The following FRMPD4 variants were observed in gnomAD, a reference collection of about 807,000 sequenced individuals.
FRMPD4 encodes FERM and PDZ domain containing 4, also known as FERM and PDZ domain-containing protein 4.
A neutral mutation model predicts 94.1 loss-of-function variants in FRMPD4; 22 were observed. That is an observed-to-expected ratio of 0.23 (90% CI 0.17 to 0.33). The LOEUF (loss-of-function observed/expected upper bound fraction) is 0.33, where lower values mean the gene tolerates loss of function less well. FRMPD4 is among the 10% of genes least tolerant of loss of function. The probability of loss-of-function intolerance (pLI) is 1.00; values close to 1 mark genes in which losing one functional copy is unlikely to be tolerated. For missense variants in FRMPD4, 1,111 were observed against 1,339.9 expected (o/e 0.83, Z 2.67); for synonymous variants, 631 against 548.6 (o/e 1.15, Z -2.10).
At chrX:11,914,778 T>C (rs779982339) in intron 3 of FRMPD4, among the ~76,000 whole-genome samples, 1 of 112,322 alleles carries the variant, frequency 8.9e-6, no homozygotes, top group East Asian at 2.8e-4. Flanking sequence ...AAAAATTATT[T>C]CTGTGGATAT....
intron 2 of FRMPD4, among the ~76,000 whole-genome samples, chrX:12,505,627 T>C (rs1482959305): frequency 9.5e-6 from 1 of 105,157 alleles, no homozygotes; most frequent in Non-Finnish European, 1.9e-5. Context: ...CTTGGGAGGC[T>C]GAGGCAGGAG....
intron 3 of FRMPD4, among the ~76,000 whole-genome samples, chrX:11,929,027 CAT>C (rs758970537): frequency 8.9e-6 from 1 of 112,444 alleles, no homozygotes; most frequent in South Asian, 3.7e-4. Flanking sequence ...CTAAATACCA[CAT>C]GTTATAAGTA....
chrX:12,063,393 CA>C (rs920140787), intron 3 of FRMPD4, among the ~76,000 whole-genome samples: 1 of 111,118 alleles, frequency 9.0e-6, no homozygotes, highest in Non-Finnish European at 1.9e-5. Flanking sequence ...AACAAACAAA[CA>C]AAAAAATGTT....
chrX:12,537,890 A>G (rs987988311), intron 2 of FRMPD4, among the ~76,000 whole-genome samples: 1 of 111,585 alleles, frequency 9.0e-6, no homozygotes, highest in African/African-American at 3.3e-5. Flanking sequence ...TGGTTCCAAG[A>G]TGGCCGAATA....
chrX:11,909,688 A>ACTGC (rs746778307), intron 3 of FRMPD4, among the ~76,000 whole-genome samples: 1 of 110,334 alleles, frequency 9.1e-6, no homozygotes, highest in South Asian at 3.8e-4. Flanking sequence ...CCCTCTAATC[A>ACTGC]CTGCTTTATC....
At chrX:11,918,321 C>A (rs1328377505) in intron 3 of FRMPD4, among the ~76,000 whole-genome samples, 1 of 113,063 alleles carries the variant, frequency 8.8e-6, no homozygotes, top group Non-Finnish European at 1.9e-5. Context: ...GAAAGGGACA[C>A]AGGCCAGGCG....
intron 1 of FRMPD4, among the ~76,000 whole-genome samples, chrX:12,164,969 G>C (rs1427301332): frequency 1.9e-4 from 21 of 110,547 alleles, no homozygotes; most frequent in Admixed American, 1.1e-3. Flanking sequence ...AGATGAGTAG[G>C]TTGCAAAAAT....
upstream of FRMPD4, among the ~76,000 whole-genome samples, chrX:12,137,567 G>T (rs6639150): frequency 0.076 from 8,444 of 110,709 alleles, 904 homozygotes; most frequent in East Asian, 0.61. Context: ...TTCACAGTCT[G>T]GGGGGAAATT....
At chrX:12,144,671 G>A (rs963732264) in intron 1 of FRMPD4, among the ~76,000 whole-genome samples, 5 of 109,362 alleles carry the variant, frequency 4.6e-5, no homozygotes, top group African/African-American at 1.7e-4. Context: ...TGAATATAAC[G>A]GAATACAATG....
chrX:12,121,810 C>T (rs989458332), intron 3 of FRMPD4, among the ~76,000 whole-genome samples: 1 of 111,725 alleles, frequency 9.0e-6, no homozygotes, highest in Admixed American at 9.5e-5. Flanking sequence ...AGATCCATGG[C>T]ATCTTAGGCT....
chrX:12,216,776 A>T (rs1433613204), intron 1 of FRMPD4, among the ~76,000 whole-genome samples: 2 of 111,643 alleles, frequency 1.8e-5, no homozygotes, highest in African/African-American at 6.5e-5. Context: ...TTAGTAGAAA[A>T]CTTCAAACTT....
intron 1 of FRMPD4, among the ~76,000 whole-genome samples, chrX:12,454,822 T>G (rs2057315377): frequency 9.3e-6 from 1 of 107,209 alleles, no homozygotes; most frequent in African/African-American, 3.4e-5. Flanking sequence ...CACGTTTTTT[T>G]TTTTTTTTTA....
chrX:11,850,343 G>A (rs2053613670), intron 1 of FRMPD4, among the ~76,000 whole-genome samples: 2 of 112,594 alleles, frequency 1.8e-5, no homozygotes, highest in African/African-American at 6.4e-5. Flanking sequence ...CTTTTGCACT[G>A]TTAGTGGGAA....
chrX:12,346,801 T>TC (rs2055719353), intron 1 of FRMPD4, among the ~76,000 whole-genome samples: 1 of 112,109 alleles, frequency 8.9e-6, no homozygotes, highest in South Asian at 3.7e-4. Context: ...GATAATAATA[T>TC]CCCCTTCTCT....
chrX:12,428,370 C>G (rs1049544961), intron 1 of FRMPD4, among the ~76,000 whole-genome samples: 1 of 111,339 alleles, frequency 9.0e-6, no homozygotes, highest in African/African-American at 3.3e-5. Context: ...ATATAAAACC[C>G]TAACAATTCC....
intron 2 of FRMPD4, among the ~76,000 whole-genome samples, chrX:12,508,151 T>C (rs185453486): frequency 4.3e-4 from 48 of 112,705 alleles, no homozygotes; most frequent in Admixed American, 4.0e-3. Context: ...TGGAATTTTA[T>C]AAGGCTTCTG....
intron 3 of FRMPD4, among the ~76,000 whole-genome samples, chrX:12,020,855 A>G (rs995440408): frequency 9.0e-6 from 1 of 111,687 alleles, no homozygotes; most frequent in Non-Finnish European, 1.9e-5. Flanking sequence ...CCTTGTCCTT[A>G]GGATATTGGG....
intron 4 of FRMPD4, among the ~76,000 whole-genome samples, chrX:12,667,656 T>A (rs1026630307): frequency 8.9e-6 from 1 of 112,411 alleles, no homozygotes; most frequent in Admixed American, 9.4e-5. Context: ...CTTCCTCACA[T>A]AGCTTTGCTT....
intron 1 of FRMPD4, among the ~76,000 whole-genome samples, chrX:12,173,842 G>A (rs1711930346): frequency 9.0e-6 from 1 of 110,982 alleles, no homozygotes; most frequent in Admixed American, 9.6e-5. Context: ...CAAGTCCACA[G>A]ATCGTGGTGG....
Sources: allele counts gnomAD v4.1 joint callset (sites outside exome capture counted in the v4.1 genomes callset), GRCh38; gene constraint gnomAD v4.1.1; transcripts MANE v1.5; gene names NCBI Gene and HGNC (gene_info 2026-07-23, HGNC 2026-07-21).